Variants in GHITM observed in about 807,000 individuals in gnomAD.
GHITM encodes the protein growth hormone-inducible transmembrane protein.
GHITM carries 24 observed loss-of-function variants against 38.7 expected under a neutral mutation model. That is an observed-to-expected ratio of 0.62 (90% CI 0.45 to 0.87). The LOEUF is 0.87. GHITM is among the 40% of genes least tolerant of loss of function. GHITM has a pLI of 0.00. For missense variants in GHITM, 420 were observed against 429.8 expected, an observed-to-expected ratio of 0.98 and a Z score of 0.20; for synonymous variants, 154 against 147.8, an observed-to-expected ratio of 1.04 and a Z score of -0.30.
intron 3 of GHITM, 24 bp from the exon 4 acceptor site, chr10:84,143,971 T>G (rs1841532642): frequency 6.8e-7 from 1 of 1,464,742 alleles, no homozygotes; most frequent in Non-Finnish European, 9.6e-7. Flanking sequence ...AGTACTAACC[T>G]GCATTTCCTT....
At chr10:84,141,343 T>G in intron 1 of GHITM, 119 bp from the exon 2 acceptor site, 1 of 594,462 alleles carries the variant, frequency 1.7e-6, no homozygotes, top group South Asian at 2.2e-5. Context: ...CTTTATTTCC[T>G]GTTCTACTAA....
intron 5 of GHITM, among the ~76,000 whole-genome samples, chr10:84,145,331 A>G (rs1841547229): frequency 6.6e-6 from 1 of 152,226 alleles, no homozygotes; most frequent in South Asian, 2.1e-4. Flanking sequence ...AGTCTGAAAC[A>G]CTTCTGGTCC....
In GHITM at chr10:84,148,803, C is replaced by T. The variant is rs2132741904; in HGVS notation, c.557C>T (p.Pro186Leu). 6.2e-7 allele frequency: 1 copy of T among 1,612,414 alleles called. No individual in the cohort carries two copies. The highest frequency in any genetic ancestry group is 1.7e-5 in the Admixed American group (1 of 60,022). The change falls in exon 6 of 9, where the codon CCA becomes CTA. Residue 186 changes from proline to leucine, a missense_variant. Pro to Leu is a moderately conservative substitution (Grantham distance 98, BLOSUM62 -3). Coordinates refer to ENST00000372134, the MANE Select transcript of GHITM (RefSeq NM_014394.3). ...LVRSIPYDQS[P>L]GPKHLAWLLH... ...CGATCAATACCATATGACCAGAGCC[C>T]AGGCCCAAAGCATCTTGCTTGGTTG...
intron 8 of GHITM, among the ~76,000 whole-genome samples, chr10:84,151,661 A>G (rs1056154804): frequency 6.6e-6 from 1 of 152,170 alleles, no homozygotes; most frequent in African/African-American, 2.4e-5. Flanking sequence ...GAGATATGCA[A>G]CTTTAGTTGG....
chr10:84,151,020 A>G lies in GHITM; in HGVS notation c.953+140A>G, dbSNP rs1841607157. On this transcript the variant is annotated intron_variant, in intron 8 of 8. Coordinates refer to ENST00000372134, the MANE Select transcript of GHITM (RefSeq NM_014394.3). ...TATCGCAGACTGGGTGGCTTAAAAC[A>G]AAACTTGATTCTCTTGTAGTTCTGG... 4 of 555,242 alleles carry G rather than the reference A, an allele frequency of 7.2e-6. No homozygotes were observed. In the Admixed American group the frequency reaches 1.3e-4, roughly 18 times the overall value. 34.4% of individuals were successfully genotyped at this position (555,242 alleles called of 1,614,324 possible).
chr10:84,142,465 AC>A (rs1372000692), intron 2 of GHITM, among the ~76,000 whole-genome samples, 189 bp from the exon 3 acceptor site: 1 of 152,248 alleles, frequency 6.6e-6, no homozygotes, highest in East Asian at 1.9e-4. Context: ...GGGAAGGTCT[AC>A]ATTTATTTAT....
At chr10:84,140,318 TC>T (rs1251547202) in intron 1 of GHITM, 2 of 152,194 alleles carry the variant, frequency 1.3e-5, no homozygotes, top group Non-Finnish European at 2.9e-5. Flanking sequence ...CCTTAATAGT[TC>T]AGTTGCAGAG....
At chr10:84,151,038 A>G (rs1841607331) in intron 8 of GHITM, among the ~76,000 whole-genome samples, 158 bp downstream of exon 8, 1 of 152,210 alleles carries the variant, frequency 6.6e-6, no homozygotes, top group East Asian at 1.9e-4. Flanking sequence ...ATTCTCTTGT[A>G]GTTCTGGAGG....
chr10:84,150,770 C>T lies in GHITM; in HGVS notation c.843C>T (p.Tyr281=), dbSNP rs371326384. 2.0e-5 allele frequency: 33 copies of T among 1,612,198 alleles called. No homozygotes were observed. Among genetic ancestry groups the T allele is most frequent in the Middle Eastern group, 1.7e-4 (1 of 6,040 alleles). Reference sequence around the variant, plus strand: ...CCACTCTTTACTCAGTGGCAATGTACGGTGGATTAGTTCTTTTCAGCATGT... The same window carrying T: ...CCACTCTTTACTCAGTGGCAATGTATGGTGGATTAGTTCTTTTCAGCATGT... The part of the protein sequence containing the change: ...AGATLYSVAM[Y]GGLVLFSMFL... Residue 281 remains tyrosine (Y), a synonymous_variant, in exon 8 of 9, where the codon TAC becomes TAT. Coordinates refer to ENST00000372134, the MANE Select transcript of GHITM (RefSeq NM_014394.3).
chr10:84,150,652 C>A, intron 7 of GHITM, 57 bp from the exon 8 acceptor site: 1 of 1,357,794 alleles, frequency 7.4e-7, no homozygotes, highest in South Asian at 1.3e-5. Context: ...AAATCATAAA[C>A]TCAGTTATCG....
intron 6 of GHITM, among the ~76,000 whole-genome samples, chr10:84,149,247 A>G (rs1255603467): frequency 6.6e-6 from 1 of 152,228 alleles, no homozygotes; most frequent in Non-Finnish European, 1.5e-5. Flanking sequence ...GTCCTAATAG[A>G]AGTGTTCTGT....
At chr10:84,148,962 A>C (rs546615337) in intron 6 of GHITM, 124 bp downstream of exon 6, 2 of 666,594 alleles carry the variant, frequency 3.0e-6, no homozygotes, top group East Asian at 2.7e-5. Flanking sequence ...CATTTTCTTC[A>C]GTCATTACTG....
At chr10:84,140,840 GA>G (rs1161783891) in intron 1 of GHITM, among the ~76,000 whole-genome samples, 1 of 152,098 alleles carries the variant, frequency 6.6e-6, no homozygotes, top group Non-Finnish European at 1.5e-5. Flanking sequence ...TGTTTACTTT[GA>G]AAGACTAAAT....
chr10:84,144,059 C>G lies in GHITM; in HGVS notation c.294C>G (p.Tyr98Ter). ...CTGTTGGTCTTGGAGCATTGTGCTACTATGGCTTGGGACTGTCTAATGAGA... is the reference window on the plus strand; with the variant it reads ...CTGTTGGTCTTGGAGCATTGTGCTAGTATGGCTTGGGACTGTCTAATGAGA... ...GAAVGLGALC[Y>*]YGLGLSNEIG... is the part of the protein sequence containing the mutation. Residue 98 changes from tyrosine to a stop codon, truncating the protein, a stop_gained, in exon 4 of 9, where the codon TAC (tyrosine) becomes TAG (stop). Coordinates refer to ENST00000372134, the MANE Select transcript of GHITM (RefSeq NM_014394.3). LOFTEE classifies it high-confidence loss of function. The G allele has an allele frequency of 6.2e-7, 1 of 1,614,000 alleles. No individual in the cohort carries two copies. The highest frequency in any genetic ancestry group is 8.5e-7 in the Non-Finnish European group (1 of 1,179,882).
chr10:84,147,618 T>C (rs1406816512), intron 5 of GHITM, among the ~76,000 whole-genome samples: 7 of 124,534 alleles, frequency 5.6e-5, no homozygotes, highest in Non-Finnish European at 1.2e-4. Flanking sequence ...ACCATGTTCT[T>C]TTTTTTTGTT....
At chr10:84,142,816 A>G (rs1841520683) in intron 3 of GHITM, 62 bp downstream of exon 3, 1 of 810,060 alleles carries the variant, frequency 1.2e-6, no homozygotes. Context: ...AGGTCCATGA[A>G]CAACTTCCTA....
At chr10:84,151,352 C>G (rs1458330719) in intron 8 of GHITM, among the ~76,000 whole-genome samples, 1 of 152,094 alleles carries the variant, frequency 6.6e-6, no homozygotes, top group East Asian at 1.9e-4. Context: ...CTTTAGTAAA[C>G]TATCCAAAAA....
At chr10:84,152,044 T>C (rs985330500) in intron 8 of GHITM, among the ~76,000 whole-genome samples, 2 of 152,222 alleles carry the variant, frequency 1.3e-5, no homozygotes, top group African/African-American at 2.4e-5. Flanking sequence ...ATAATGATTT[T>C]TTTAAACTGC....
chr10:84,148,612 TATC>T (rs1841580716), intron 5 of GHITM, 115 bp from the exon 6 acceptor site: 2 of 684,352 alleles, frequency 2.9e-6, no homozygotes, highest in African/African-American at 1.8e-5. Context: ...TTTGATTTAT[TATC>T]TTTAATATTT....
Sources: gnomAD v4.1 joint callset for allele counts (sites outside exome capture counted in the v4.1 genomes callset) on GRCh38, gnomAD v4.1.1 for gene constraint, MANE v1.5 for transcripts, NCBI Gene and HGNC (gene_info 2026-07-23, HGNC 2026-07-21) for gene names.